Variants in WRN observed in about 807,000 individuals in gnomAD.
The protein encoded by WRN is bifunctional 3'-5' exonuclease/ATP-dependent helicase WRN.
Under a neutral mutation model 180.7 loss-of-function variants are expected in WRN, and 149 were observed. The observed-to-expected ratio is 0.82, with a 90% CI of 0.72 to 0.94. The LOEUF is 0.94. Among genes scored for constraint, WRN ranks in the 40% least tolerant of loss-of-function variants. The pLI is 0.00. For synonymous variants in WRN, 548 were observed against 568.9 expected (o/e 0.96, Z 0.52); for missense variants, 1,661 against 1,700.1 (o/e 0.98, Z 0.40).
chr8:31,091,084 A>G (rs370972236), intron 15 of WRN, 142 bp downstream of exon 15: 1 of 729,446 alleles, frequency 1.4e-6, no homozygotes, highest in Non-Finnish European at 2.4e-6. Context: ...GTAATAAATG[A>G]CCCTTTAGTG....
At position 31,081,292 on chromosome 8, in the gene WRN, C is replaced by T. The variant is rs1813302316; in HGVS notation, c.1265C>T (p.Thr422Ile). 6 of 1,613,322 alleles carry T rather than the reference C, an allele frequency of 3.7e-6. No individual in the cohort carries two copies. Among genetic ancestry groups the T allele is most frequent in the East Asian group, 2.2e-5 (1 of 44,816 alleles). ...EYLSDIAYKS[T>I]EHLSPNDNEN... ...CTTAGTGATATTGCTTATAAATCTA[C>T]TGAGGTACTAAATAAAGAGGAAGCA... The change falls in exon 9 of 35, where the codon ACT (threonine) becomes ATT (isoleucine). Residue 422 changes from threonine to isoleucine, a missense_variant. Thr to Ile is a moderately conservative substitution (Grantham distance 89). Transcript: ENST00000298139.
intron 1 of WRN, 126 bp downstream of exon 1, chr8:31,034,099 T>G (rs1207849798): frequency 1.3e-5 from 2 of 152,218 alleles, no homozygotes; most frequent in Non-Finnish European, 2.9e-5. Context: ...TTTGGGAGAT[T>G]CTGGAAAAAC....
At chr8:31,088,096 C>T (rs1813609545) in intron 12 of WRN, among the ~76,000 whole-genome samples, 176 bp downstream of exon 12, 1 of 152,120 alleles carries the variant, frequency 6.6e-6, no homozygotes, top group Non-Finnish European at 1.5e-5. Context: ...CACAATCTTA[C>T]TACTTAGAAA....
intron 11 of WRN, among the ~76,000 whole-genome samples, chr8:31,086,126 T>C (rs2130144761): frequency 6.6e-6 from 1 of 152,260 alleles, no homozygotes; most frequent in Admixed American, 6.5e-5. Context: ...GTAGCTAAAT[T>C]AAGTAAAAAA....
intron 31 of WRN, 134 bp downstream of exon 31, chr8:31,150,589 AT>A: frequency 1.3e-6 from 1 of 767,358 alleles, no homozygotes; most frequent in South Asian, 1.6e-5. Flanking sequence ...ATGAATTAAA[AT>A]TGTTTTTACA....
At chr8:31,160,195 T>C (rs1281890874) in intron 33 of WRN, among the ~76,000 whole-genome samples, 1 of 152,212 alleles carries the variant, frequency 6.6e-6, no homozygotes, top group Non-Finnish European at 1.5e-5. Flanking sequence ...TTTCTGATGA[T>C]AACTTCCCGT....
intron 20 of WRN, 57 bp downstream of exon 20, chr8:31,116,585 C>G: frequency 6.3e-7 from 1 of 1,599,666 alleles, no homozygotes. Flanking sequence ...GGATATTTCT[C>G]AAATGTTTAT....
chr8:31,084,997 T>G (rs1230504636), intron 10 of WRN, among the ~76,000 whole-genome samples, 169 bp from the exon 11 acceptor site: 2 of 152,008 alleles, frequency 1.3e-5, no homozygotes, highest in Admixed American at 1.3e-4. Flanking sequence ...TTCATTCTTC[T>G]CTCTCTCCCT....
intron 1 of WRN, among the ~76,000 whole-genome samples, chr8:31,048,850 A>T (rs1811972892): frequency 6.6e-6 from 1 of 152,162 alleles, no homozygotes; most frequent in Admixed American, 6.5e-5. Flanking sequence ...TATTTGAAAA[A>T]CACTTATTAA....
In WRN at chr8:31,072,309, T is replaced by G. The variant is rs1370599962; in HGVS notation, c.725-3864T>G. On this transcript the variant is annotated intron_variant, in intron 7 of 34. Transcript: ENST00000298139. ...TAGATTTGGCAATGCGCCAATCATT[T>G]GTAATCTTTTAAACAATAGTTTTGC... Among the ~76,000 whole-genome samples the G allele has an allele frequency of 2.6e-5, 4 of 152,344 alleles. No individual in the cohort carries two copies. The East Asian group carries it at 7.7e-4, about 29-fold the overall frequency.
At chr8:31,101,938 A>T (rs527744727) in intron 18 of WRN, among the ~76,000 whole-genome samples, 120 of 152,194 alleles carry the variant, frequency 7.9e-4, no homozygotes, top group Middle Eastern at 6.8e-3. Context: ...TTGTAAAAAA[A>T]AAAATACCTA....
intron 19 of WRN, among the ~76,000 whole-genome samples, chr8:31,113,394 T>C (rs1055126784): frequency 6.6e-6 from 1 of 152,216 alleles, no homozygotes; most frequent in Admixed American, 6.5e-5. Context: ...TCTTGTCCTA[T>C]ATTCAGAATA....
chr8:31,057,842 C>T (rs1402836676), intron 1 of WRN, among the ~76,000 whole-genome samples: 1 of 151,308 alleles, frequency 6.6e-6, no homozygotes, highest in African/African-American at 2.4e-5. Context: ...GAGGAGTGCC[C>T]TCAAAGATAT....
intron 7 of WRN, among the ~76,000 whole-genome samples, chr8:31,068,548 C>T (rs1812794915): frequency 6.6e-6 from 1 of 152,116 alleles, no homozygotes; most frequent in Non-Finnish European, 1.5e-5. Context: ...TGTAGCATTG[C>T]TATGTATTTG....
intron 20 of WRN, among the ~76,000 whole-genome samples, chr8:31,118,822 C>A (rs576836404): frequency 2.8e-4 from 42 of 151,856 alleles, no homozygotes; most frequent in Non-Finnish European, 5.9e-4. Flanking sequence ...TTATTAGTTT[C>A]GTATCTTTTT....
intron 21 of WRN, among the ~76,000 whole-genome samples, chr8:31,123,157 C>A (rs559292619): frequency 4.6e-5 from 7 of 152,118 alleles, no homozygotes; most frequent in Non-Finnish European, 7.4e-5. Context: ...CCCTTAGAAT[C>A]ATCCCTTTGT....
intron 23 of WRN, among the ~76,000 whole-genome samples, chr8:31,130,022 AAAC>A (rs1219192102): frequency 2.1e-5 from 3 of 142,992 alleles, no homozygotes; most frequent in Admixed American, 6.8e-5. Context: ...AAACAAAACA[AAAC>A]AAAAAAAAAA....
chr8:31,037,852 T>C (rs545951752), intron 1 of WRN, among the ~76,000 whole-genome samples: 1 of 152,372 alleles, frequency 6.6e-6, no homozygotes, highest in Admixed American at 6.5e-5. Flanking sequence ...TCAACATTGC[T>C]TTGGCTATTC....
chr8:31,116,886 AG>A (rs1801543289), intron 20 of WRN, among the ~76,000 whole-genome samples: 1 of 152,208 alleles, frequency 6.6e-6, no homozygotes, highest in South Asian at 2.1e-4. Flanking sequence ...AAGGACTAGC[AG>A]GTGCAAAGAC....
Sources: gnomAD v4.1 joint callset for allele counts (sites outside exome capture counted in the v4.1 genomes callset) on GRCh38, gnomAD v4.1.1 for gene constraint, MANE v1.5 for transcripts, NCBI Gene and HGNC (gene_info 2026-07-23, HGNC 2026-07-21) for gene names.